RYR3: variants seen among roughly 807,000 people sequenced by gnomAD.
The protein encoded by RYR3 is ryanodine receptor 3, also known as brain ryanodine receptor-calcium release channel.
Under a neutral mutation model 584.3 loss-of-function variants are expected in RYR3, and 207 were observed. The ratio of observed to expected loss-of-function variants is 0.35; its 90% CI spans 0.32 to 0.40. The LOEUF is 0.40. RYR3 is among the 10% of genes least tolerant of loss of function. The pLI, the probability that RYR3 is intolerant of heterozygous loss-of-function variation, is 1.00. For synonymous variants in RYR3, 2,416 were observed against 2,248.5 expected, an observed-to-expected ratio of 1.07 and a Z score of -2.11; for missense variants, 5,616 against 6,089.2, an observed-to-expected ratio of 0.92 and a Z score of 2.59.
intron 1 of RYR3, among the ~76,000 whole-genome samples, chr15:33,422,602 G>A (rs1029198866): frequency 6.6e-6 from 1 of 152,080 alleles, no homozygotes; most frequent in Non-Finnish European, 1.5e-5. Context: ...GGTAGGGGTG[G>A]TATGTGAGCC....
At position 33,696,175 on chromosome 15, in the gene RYR3, G is replaced by C. The variant is rs1334172341; in HGVS notation, c.5861-43G>C. ...GGCTGAAACACCCAGCTCTCCCTGA[G>C]CCATGACAGCCACAGTCCTGCTCCC... is the stretch of plus-strand genomic sequence containing the variant. On this transcript the variant is annotated intron_variant, in intron 38 of 103. Transcript: ENST00000634891. 2.5e-6 allele frequency: 4 copies of C among 1,579,102 alleles called. No homozygotes were observed. The Admixed American group carries it at 5.2e-5, about 20-fold the overall frequency.
intron 64 of RYR3, 96 bp from the exon 65 acceptor site, chr15:33,780,115 T>A (rs2074291940): frequency 1.4e-6 from 2 of 1,453,120 alleles, no homozygotes; most frequent in Non-Finnish European, 1.9e-6. Context: ...TGCCTAGGGA[T>A]GTCCATGGAT....
chr15:33,379,687 C>CTCTCTCTATATATATA, intron 1 of RYR3, among the ~76,000 whole-genome samples: 4 of 125,496 alleles, frequency 3.2e-5, no homozygotes, highest in African/African-American at 1.4e-4. Context: ...CTCTCTCTCT[C>CTCTCTCTATATATATA]TATATATATA....
chr15:33,829,712 G>A (rs1015684271), intron 85 of RYR3, among the ~76,000 whole-genome samples: 11 of 150,728 alleles, frequency 7.3e-5, no homozygotes, highest in East Asian at 5.9e-4. Flanking sequence ...AGATTGCGCC[G>A]CTGCACTCCA....
chr15:33,739,817 G>T lies in RYR3; in HGVS notation c.7657-15G>T. The T allele has an allele frequency of 6.2e-7, 1 of 1,610,874 alleles. No individual in the cohort carries two copies. Among genetic ancestry groups the T allele is most frequent in the Non-Finnish European group, 8.5e-7 (1 of 1,177,814 alleles). On this transcript the variant is annotated splice_polypyrimidine_tract_variant and intron_variant, in intron 50 of 103. Transcript: ENST00000634891. ...CTGCTTTCTCTACTAATGTGGCCTT[G>T]TTTTTCCCTCACAGAAATATGACCC...
In RYR3 at chr15:33,325,410, A is replaced by G. The variant is rs940569755; in HGVS notation, c.51+14314A>G. 2.0e-5 allele frequency among the ~76,000 whole-genome samples: 3 copies of G among 152,322 alleles called. 1 individual carries two copies. Among genetic ancestry groups the G allele is most frequent in the Non-Finnish European group, 4.4e-5 (3 of 68,032 alleles). ...TTTTATTGACAGTTGAAGTTATTGA[A>G]TGGTCCAAGATTAATTTTTGTTTGG... is the stretch of plus-strand genomic sequence containing the variant. On this transcript the variant is annotated intron_variant, in intron 1 of 103. Coordinates refer to ENST00000634891, the MANE Select transcript of RYR3 (RefSeq NM_001036.6).
chr15:33,660,110 T>G (rs908188905), intron 33 of RYR3, 87 bp from the exon 34 acceptor site: 3 of 869,240 alleles, frequency 3.5e-6, no homozygotes, highest in Non-Finnish European at 5.4e-6. Flanking sequence ...CCTCTTTAAT[T>G]TATACTGGCC....
intron 36 of RYR3, among the ~76,000 whole-genome samples, chr15:33,667,927 G>T (rs1027502017): frequency 1.4e-4 from 21 of 152,010 alleles, no homozygotes; most frequent in African/African-American, 5.1e-4. Flanking sequence ...GCTGAGTGCG[G>T]TGGTGCGCAC....
At position 33,311,107 on chromosome 15, in the gene RYR3, G is replaced by A. The variant is rs1967177933; in HGVS notation, c.51+11G>A. The stretch of plus-strand genomic sequence containing the variant: ...CAGTTTCTGAGGACTGTGAGTCTCC[G>A]CGGCGGGGGCGAGGCCGTGGGCAGG... On this transcript the variant is annotated intron_variant, in intron 1 of 103. Coordinates refer to ENST00000634891, the MANE Select transcript of RYR3 (RefSeq NM_001036.6). This position sits in a 1 kb window ranked among gnomAD's most constrained non-coding sequence, Gnocchi z 4.4. The A allele has an allele frequency of 1.3e-6, 2 of 1,567,502 alleles. No individual in the cohort carries two copies. The highest frequency in any genetic ancestry group is 1.4e-5 in the African/African-American group (1 of 71,202).
intron 1 of RYR3, among the ~76,000 whole-genome samples, chr15:33,433,099 G>T (rs903754022): frequency 2.0e-5 from 3 of 151,984 alleles, no homozygotes; most frequent in Non-Finnish European, 4.4e-5. Flanking sequence ...AGATAAAATG[G>T]GACTCTCCAA....
chr15:33,845,407 C>T (rs2078659285), intron 93 of RYR3, among the ~76,000 whole-genome samples: 1 of 152,196 alleles, frequency 6.6e-6, no homozygotes, highest in African/African-American at 2.4e-5. Flanking sequence ...TGCCTGCCAC[C>T]ATGCCCAGCT....
rs1417583973 is a variant in RYR3, at chr15:33,662,253, C to T, written c.4723C>T (p.Arg1575Cys). 11 of 1,609,808 alleles carry T rather than the reference C, an allele frequency of 6.8e-6. No homozygotes were observed. Among genetic ancestry groups the T allele is most frequent in the Admixed American group, 1.7e-5 (1 of 59,426 alleles). The change falls in exon 35 of 104, where the codon CGC becomes TGC. Residue 1575 changes from arginine (R) to cysteine (C), a missense_variant. Transcript: ENST00000634891. ...YSAVCALGNS[R>C]VAYALCSHVD... ...CGCGGTGTGCGCCCTGGGAAACAGC[C>T]GCGTGGCCTACGCCCTGTGCAGCCA...
chr15:33,523,247 C>G (rs183137522), intron 3 of RYR3, among the ~76,000 whole-genome samples: 3 of 152,090 alleles, frequency 2.0e-5, no homozygotes, highest in African/African-American at 7.2e-5. Flanking sequence ...GCTGGCCACC[C>G]GAGCCAGCAG....
intron 1 of RYR3, among the ~76,000 whole-genome samples, chr15:33,435,064 C>T (rs1320913154): frequency 6.6e-6 from 1 of 152,124 alleles, no homozygotes; most frequent in South Asian, 2.1e-4. Context: ...TCATGATCCG[C>T]CCGCCTCGAC....
At chr15:33,617,681 T>C (rs2060521652) in intron 19 of RYR3, among the ~76,000 whole-genome samples, 1 of 152,152 alleles carries the variant, frequency 6.6e-6, no homozygotes, top group East Asian at 1.9e-4. Flanking sequence ...GAGATCCTTG[T>C]CTTGAATTTT....
intron 5 of RYR3, among the ~76,000 whole-genome samples, chr15:33,536,411 G>T (rs547196443): frequency 6.6e-6 from 1 of 152,162 alleles, no homozygotes; most frequent in East Asian, 1.9e-4. Context: ...TTGTTTTTAG[G>T]ATTTAGATAT....
intron 1 of RYR3, among the ~76,000 whole-genome samples, chr15:33,461,805 G>A (rs1421827407): frequency 1.3e-5 from 2 of 152,148 alleles, no homozygotes; most frequent in Non-Finnish European, 2.9e-5. Context: ...CCTGAATTAT[G>A]TCACCATTTC....
chr15:33,716,930 C>T (rs1344463562), intron 43 of RYR3, among the ~76,000 whole-genome samples: 1 of 152,084 alleles, frequency 6.6e-6, no homozygotes, highest in East Asian at 1.9e-4. Context: ...TATTATGATC[C>T]TTGTGCCCAT....
chr15:33,828,613 C>G (rs1399510324), intron 85 of RYR3, among the ~76,000 whole-genome samples: 1 of 152,184 alleles, frequency 6.6e-6, no homozygotes, highest in Non-Finnish European at 1.5e-5. Context: ...TTCTCATAAG[C>G]CACAATCTAA....
Sources: allele counts gnomAD v4.1 joint callset (sites outside exome capture counted in the v4.1 genomes callset), GRCh38; gene constraint gnomAD v4.1.1; non-coding constraint Gnocchi (gnomAD v3.1); transcripts MANE v1.5; gene names NCBI Gene and HGNC (gene_info 2026-07-23, HGNC 2026-07-21).